Variants in DGKE observed in about 807,000 individuals in gnomAD.
The protein encoded by DGKE is diacylglycerol kinase epsilon.
Under a neutral mutation model 70.0 loss-of-function variants are expected in DGKE, and 53 were observed. The ratio of observed to expected loss-of-function variants is 0.76; its 90% CI spans 0.61 to 0.95. The LOEUF is 0.95. Among genes scored for constraint, DGKE ranks in the 40% least tolerant of loss-of-function variants. DGKE has a pLI of 0.00. For missense variants in DGKE, 655 were observed against 706.9 expected (o/e 0.93, Z 0.83); for synonymous variants, 291 against 257.0 (o/e 1.13, Z -1.27).
chr17:56,856,775 TC>T, intron 8 of DGKE, 150 bp downstream of exon 8: 1 of 1,008,824 alleles, frequency 9.9e-7, no homozygotes, highest in Non-Finnish European at 1.4e-6. Context: ...TCAAATTAGA[TC>T]TTTTTTTTTT....
chr17:56,863,688 T>C lies in DGKE; in HGVS notation c.*897T>C, dbSNP rs1418558584. On this transcript the variant is annotated 3_prime_UTR_variant, in exon 12 of 12. Transcript: ENST00000284061. Reference sequence around the variant, plus strand: ...GATAAGTTTTAAAAATTTGGTGGTCTTGTAGTATTTTGAAATACAGTAGTC... The same window carrying C: ...GATAAGTTTTAAAAATTTGGTGGTCCTGTAGTATTTTGAAATACAGTAGTC... The C allele has an allele frequency of 6.6e-6, 1 of 152,264 alleles. No individual in the cohort carries two copies. Among genetic ancestry groups the C allele is most frequent in the African/African-American group, 2.4e-5 (1 of 41,474 alleles). 9.4% of individuals were successfully genotyped at this position (152,264 alleles called of 1,614,324 possible).
chr17:56,839,683 A>T (rs1295703876), intron 2 of DGKE, among the ~76,000 whole-genome samples: 2 of 149,236 alleles, frequency 1.3e-5, no homozygotes, highest in Admixed American at 6.7e-5. Context: ...CATGCCTGAT[A>T]TTTTTTTTTT....
chr17:56,843,965 A>T (rs886660837), intron 2 of DGKE, 54 bp from the exon 3 acceptor site: 3 of 1,463,462 alleles, frequency 2.0e-6, no homozygotes, highest in Non-Finnish European at 2.7e-6. Flanking sequence ...TTTGTGGGTT[A>T]TCATTGAGAT....
chr17:56,836,037 A>G (rs1906596433), intron 2 of DGKE: 1 of 152,242 alleles, frequency 6.6e-6, no homozygotes, highest in Non-Finnish European at 1.5e-5. Flanking sequence ...CCACTCTGGT[A>G]AAATAGGACT....
chr17:56,845,773 G>T lies in DGKE; in HGVS notation c.708G>T (p.Leu236=), dbSNP rs1338514454. 3 of 1,610,892 alleles carry T rather than the reference G, an allele frequency of 1.9e-6. No individual in the cohort carries two copies. The Admixed American group carries it at 5.0e-5, about 27-fold the overall frequency. The part of the protein sequence containing the change: ...SRSGTNMGEG[L]LGEFRILLNP... ...GTGGAACTAATATGGGAGAAGGACT[G>T]TTGGGAGAATTTAGGATCTTGTTGA... The change falls in exon 4 of 12, where the codon CTG becomes CTT. Residue 236 remains leucine (L), a synonymous_variant. Coordinates refer to ENST00000284061, the MANE Select transcript of DGKE (RefSeq NM_003647.3).
chr17:56,844,860 G>C (rs548077301), intron 3 of DGKE, among the ~76,000 whole-genome samples: 129 of 152,102 alleles, frequency 8.5e-4, no homozygotes, highest in Non-Finnish European at 1.4e-3. Context: ...AAAATTTATG[G>C]ATTTATTTTC....
Position 56,862,655 on chromosome 17 carries a change from A to G in DGKE, c.1568A>G (p.Glu523Gly), listed in dbSNP as rs768315751. 6.3e-7 allele frequency: 1 copy of G among 1,586,314 alleles called. No homozygotes were observed. Among genetic ancestry groups the G allele is most frequent in the East Asian group, 2.2e-5 (1 of 44,502 alleles). Residue 523 changes from glutamate to glycine, a missense_variant, in exon 12 of 12, where the codon GAG (glutamate) becomes GGG (glycine). Transcript: ENST00000284061. ...CSMMPMQVDG[E>G]PWAQGPCTVT... ...ATGATGCCAATGCAGGTGGATGGGG[A>G]GCCTTGGGCCCAAGGGCCCTGCACT...
At chr17:56,845,310 T>C (rs1390852358) in intron 3 of DGKE, among the ~76,000 whole-genome samples, 1 of 152,110 alleles carries the variant, frequency 6.6e-6, no homozygotes, top group East Asian at 1.9e-4. Flanking sequence ...GAGAAAAAAA[T>C]CAGTGTCTAT....
At chr17:56,847,843 C>A in intron 4 of DGKE, 79 bp from the exon 5 acceptor site, 1 of 1,060,144 alleles carries the variant, frequency 9.4e-7, no homozygotes, top group Non-Finnish European at 1.3e-6. Context: ...TGTATCTCTA[C>A]TCATCTAGAG....
intron 6 of DGKE, 134 bp downstream of exon 6, chr17:56,848,987 A>G: frequency 7.6e-7 from 1 of 1,323,968 alleles, no homozygotes; most frequent in Non-Finnish European, 1.0e-6. Context: ...CTACACAGAT[A>G]CTGGTGTTTT....
intron 2 of DGKE, chr17:56,838,734 C>T (rs1396897030): frequency 6.6e-6 from 1 of 151,914 alleles, no homozygotes; most frequent in Non-Finnish European, 1.5e-5. Context: ...ATTCATGAGG[C>T]ATTCCATATT....
Position 56,848,062 on chromosome 17 carries a change from T to A in DGKE, c.885T>A (p.Ile295=). The part of the protein sequence containing the change: ...WVLDAVDDMK[I]KGQEKYIPQV... ...TGGATGCAGTTGATGACATGAAGATTAAGGTATTAGTCTTTAAGAACTACT... is the reference window on the plus strand; with the variant it reads ...TGGATGCAGTTGATGACATGAAGATAAAGGTATTAGTCTTTAAGAACTACT... Residue 295 remains isoleucine, a synonymous_variant, in exon 5 of 12, where the codon ATT becomes ATA. Transcript: ENST00000284061. 1.3e-6 allele frequency: 2 copies of A among 1,555,352 alleles called. No homozygotes were observed. Among genetic ancestry groups the A allele is most frequent in the South Asian group, 2.5e-5 (2 of 79,386 alleles).
At chr17:56,841,925 G>A (rs955459787) in intron 2 of DGKE, among the ~76,000 whole-genome samples, 2 of 152,070 alleles carry the variant, frequency 1.3e-5, no homozygotes, top group African/African-American at 4.8e-5. Flanking sequence ...CCTCACTAGA[G>A]CTGGGACTAC....
intron 6 of DGKE, among the ~76,000 whole-genome samples, 163 bp downstream of exon 6, chr17:56,849,016 C>T (rs964681230): frequency 6.6e-5 from 10 of 152,046 alleles, no homozygotes; most frequent in Admixed American, 3.3e-4. Context: ...ATGTAAGAGC[C>T]GAAGTAATAA....
rs1018863535 is a variant in DGKE at position 56,868,297 on chromosome 17, A to G, written c.*5506A>G. On this transcript the variant is annotated 3_prime_UTR_variant, in exon 12 of 12. Coordinates refer to ENST00000284061, the MANE Select transcript of DGKE (RefSeq NM_003647.3). ...CAGTCCAGTTCAGGGCTCTGCCAGCAGTCTTTCAGATCTGAACTGCTTAAA... is the reference window on the plus strand; with the variant it reads ...CAGTCCAGTTCAGGGCTCTGCCAGCGGTCTTTCAGATCTGAACTGCTTAAA... 1 of 152,264 alleles carries G rather than the reference A, an allele frequency of 6.6e-6. No homozygotes were observed. 9.4% of individuals were successfully genotyped at this position (152,264 alleles called of 1,614,324 possible).
rs1362438579 is a variant in DGKE at position 56,849,185 on chromosome 17, A to G, written c.1051A>G (p.Lys351Glu). ...EADGIKLDRW[K>E]VQVTNKGYYN... ...TTTTTAACTTCTGTTTTTTAGATGG[A>G]AAGTTCAAGTAACAAATAAAGGATA... The change falls in exon 7 of 12, where the codon AAA becomes GAA. Residue 351 changes from lysine (K) to glutamate (E), a missense_variant. Lys to Glu is a moderately conservative substitution (Grantham distance 56). Transcript: ENST00000284061. 6.2e-7 allele frequency: 1 copy of G among 1,610,570 alleles called. No individual in the cohort carries two copies. The highest frequency in any genetic ancestry group is 8.5e-7 in the Non-Finnish European group (1 of 1,178,876).
At position 56,837,348 on chromosome 17, in the gene DGKE, A is replaced by G. The variant is rs1008081679; in HGVS notation, c.464+2089A>G. Among the ~76,000 whole-genome samples, 9 of 152,152 alleles carry G rather than the reference A, an allele frequency of 5.9e-5. No individual in the cohort carries two copies. The South Asian group carries it at 1.7e-3, about 28-fold the overall frequency. ...TGGAGAACCACTGCTATATTTACAT[A>G]TCTTTAAAAACATGCACCTCCGTCT... On this transcript the variant is annotated intron_variant, in intron 2 of 11. Coordinates refer to ENST00000284061, the MANE Select transcript of DGKE (RefSeq NM_003647.3).
At chr17:56,837,861 TTTATACTCATTCGATCA>T (rs1358601919) in intron 2 of DGKE, among the ~76,000 whole-genome samples, 3 of 152,210 alleles carry the variant, frequency 2.0e-5, no homozygotes, top group Non-Finnish European at 4.4e-5. Context: ...GGCCCTTTAA[TTTATACTCATTCGATCA>T]TTATACTTAT....
rs1359507303 is a variant in DGKE at position 56,864,829 on chromosome 17, A to C, written c.*2038A>C. 1 of 152,182 alleles carries C rather than the reference A, an allele frequency of 6.6e-6. No individual in the cohort carries two copies. Among genetic ancestry groups the C allele is most frequent in the Non-Finnish European group, 1.5e-5 (1 of 68,004 alleles). The allele number at this position is 152,182 out of a possible 1,614,324, so 9.4% of individuals were successfully genotyped here. On this transcript the variant is annotated 3_prime_UTR_variant, in exon 12 of 12. Coordinates refer to ENST00000284061, the MANE Select transcript of DGKE (RefSeq NM_003647.3). ...AACTAATACAGCTTTTTAATTGTGA[A>C]AACTACAATTAAAAATTATAATTTT...
Sources: gnomAD v4.1 joint callset for allele counts (sites outside exome capture counted in the v4.1 genomes callset) on GRCh38, gnomAD v4.1.1 for gene constraint, MANE v1.5 for transcripts, NCBI Gene and HGNC (gene_info 2026-07-23, HGNC 2026-07-21) for gene names.